KIR2DL4: variants seen among roughly 807,000 people sequenced by gnomAD.
KIR2DL4 encodes killer cell immunoglobulin like receptor, two Ig domains and long cytoplasmic tail 4.
A neutral mutation model predicts 31.0 loss-of-function variants in KIR2DL4; 41 were observed. The ratio of observed to expected loss-of-function variants is 1.32; its 90% CI spans 1.03 to 1.72. KIR2DL4 has a LOEUF of 1.72. Among genes scored for constraint, KIR2DL4 ranks in the 40% most tolerant of loss-of-function variants. The probability of loss-of-function intolerance (pLI) is 0.00; values close to 1 mark genes in which losing one functional copy is unlikely to be tolerated. For synonymous variants in KIR2DL4, 164 were observed against 133.6 expected (o/e 1.23, Z -1.57); for missense variants, 438 against 353.7 (o/e 1.24, Z -1.91).
At position 54,807,527 on chromosome 19, in the gene KIR2DL4, TC is replaced by T. The variant is rs1259042799; in HGVS notation, c.655+1285del. 2.0e-5 allele frequency among the ~76,000 whole-genome samples: 3 copies of T among 150,952 alleles called. No homozygotes were observed. The East Asian group carries it at 5.8e-4, about 29-fold the overall frequency. On this transcript the variant is annotated intron_variant, in intron 4 of 7. Transcript: ENST00000359085. Reference sequence around the variant, plus strand: ...ACCTGGGCTCACTGCAACCTCTACCTCCAGGATTCAAGTGATTCTCCAGCCT... The same window carrying T: ...ACCTGGGCTCACTGCAACCTCTACCTCAGGATTCAAGTGATTCTCCAGCCT...
intron 5 of KIR2DL4, among the ~76,000 whole-genome samples, chr19:54,810,800 C>T (rs865899221): frequency 4.0e-5 from 6 of 151,206 alleles, no homozygotes; most frequent in Admixed American, 1.3e-4. Flanking sequence ...TAGTGACTGA[C>T]ATGAAAATAA....
chr19:54,813,659 C>T (rs1463614941), intron 6 of KIR2DL4, 31 bp from the exon 6 acceptor site: 1 of 1,608,166 alleles, frequency 6.2e-7, no homozygotes, highest in African/African-American at 1.4e-5. Flanking sequence ...AGTGCCCTCC[C>T]AGCTGTTTTG....
rs754703177 is a variant in KIR2DL4 at position 54,803,897 on chromosome 19, T to C, written c.47T>C (p.Phe16Ser). The change falls in exon 2 of 8, where the codon TTC becomes TCC. Residue 16 changes from phenylalanine to serine, a missense_variant. Coordinates refer to ENST00000359085, the Ensembl canonical transcript of KIR2DL4. ...TCATGATCTTTCTTTGCAGGGTTCTTCTTGGACCAGAGTGTGTGGGCACAC... is the reference window on the plus strand; with the variant it reads ...TCATGATCTTTCTTTGCAGGGTTCTCCTTGGACCAGAGTGTGTGGGCACAC... The C allele has an allele frequency of 2.5e-5, 40 of 1,610,058 alleles. No individual in the cohort carries two copies. The highest frequency in any genetic ancestry group is 3.1e-5 in the Non-Finnish European group (36 of 1,178,876).
chr19:54,810,065 T>C (rs2147946330), intron 5 of KIR2DL4, among the ~76,000 whole-genome samples: 2 of 149,760 alleles, frequency 1.3e-5, no homozygotes, highest in South Asian at 4.3e-4. Flanking sequence ...AATGCACCAG[T>C]GGACCAATAA....
intron 5 of KIR2DL4, chr19:54,813,060 G>T: frequency 8.0e-7 from 1 of 1,254,294 alleles, no homozygotes; most frequent in Non-Finnish European, 1.1e-6. Context: ...ACCAAGAAAT[G>T]AGAGACAATC....
chr19:54,804,956 C>T (rs762567496), exon 3 of KIR2DL4: 44 of 1,611,746 alleles, frequency 2.7e-5, no homozygotes, highest in Non-Finnish European at 3.6e-5. Flanking sequence ...TATTCTGGAA[C>T]AGTTTCCTCA....
At chr19:54,809,941 T>C (rs604077) in intron 5 of KIR2DL4, among the ~76,000 whole-genome samples, 102,954 of 147,456 alleles carry the variant, frequency 0.7, 36,858 homozygotes, top group East Asian at 0.94. Context: ...AGGACAGGAA[T>C]ATTTTGGGGT....
chr19:54,809,641 C>T (rs1024628681), intron 5 of KIR2DL4, among the ~76,000 whole-genome samples: 1 of 151,244 alleles, frequency 6.6e-6, no homozygotes, highest in Non-Finnish European at 1.5e-5. Context: ...CTCCTGGTCC[C>T]CGTCTTCCTC....
intron 6 of KIR2DL4, 142 bp from the exon 6 acceptor site, chr19:54,813,548 G>C (rs1162028185): frequency 1.2e-6 from 1 of 868,786 alleles, no homozygotes; most frequent in Non-Finnish European, 1.8e-6. Context: ...TGCACTCAGA[G>C]AGATGGAATG....
At position 54,803,701 on chromosome 19, in the gene KIR2DL4, G is replaced by A. The variant is rs748775213; in HGVS notation, c.40+10G>A. On this transcript the variant is annotated intron_variant, in intron 1 of 7. Coordinates refer to ENST00000359085, the Ensembl canonical transcript of KIR2DL4. ...ATCCTGGCATGTCTTGGTGAGTCCT[G>A]GAAGGGAAGGAGCACCAGGGTTACA... 37 of 1,610,930 alleles carry A rather than the reference G, an allele frequency of 2.3e-5. 2 individuals carry two copies. In the East Asian group the frequency reaches 7.8e-4, roughly 34 times the overall value.
In KIR2DL4 at chr19:54,803,830, C is replaced by G; in HGVS notation, c.41-61C>G. 22 of 1,573,982 alleles carry G rather than the reference C, an allele frequency of 1.4e-5. No homozygotes were observed. In the South Asian group the frequency reaches 2.1e-4, roughly 15 times the overall value. The stretch of plus-strand genomic sequence containing the variant: ...TTCAGTCCAGCGTGGCGCCCAGTGG[C>G]TCAGGAGGAAAGGGTAGGTTGCTGC... On this transcript the variant is annotated intron_variant, in intron 1 of 7. Coordinates refer to ENST00000359085, the Ensembl canonical transcript of KIR2DL4.
At chr19:54,813,485 G>T (rs2061001774) in intron 6 of KIR2DL4, among the ~76,000 whole-genome samples, 1 of 150,562 alleles carries the variant, frequency 6.6e-6, no homozygotes, top group African/African-American at 2.5e-5. Flanking sequence ...GGCAGAAAGT[G>T]GGAGATAGAA....
At chr19:54,806,342 G>C in intron 4 of KIR2DL4, 98 bp downstream of exon 4, 1 of 1,312,038 alleles carries the variant, frequency 7.6e-7, no homozygotes, top group Non-Finnish European at 1.1e-6. Flanking sequence ...CAGATGTGGA[G>C]AGAAGATGCA....
At chr19:54,808,224 T>TG (rs1469312976) in intron 4 of KIR2DL4, among the ~76,000 whole-genome samples, 40 of 149,230 alleles carry the variant, frequency 2.7e-4, no homozygotes, top group Admixed American at 7.3e-4. Flanking sequence ...GGTCTATTTT[T>TG]TTGTTGTTGT....
chr19:54,804,879 C>T (rs56364601), exon 3 of KIR2DL4: 9 of 1,612,124 alleles, frequency 5.6e-6, no homozygotes, highest in Non-Finnish European at 7.6e-6. Context: ...TCACTATCGT[C>T]GTGGGTTTAA....
chr19:54,813,964 G>A, exon 8 of KIR2DL4: 1 of 1,612,364 alleles, frequency 6.2e-7, no homozygotes. Context: ...ATACCAGCGT[G>A]TGTATAGAAC....
At chr19:54,813,722 C>A (rs1450874249) in exon 7 of KIR2DL4, 3 of 1,611,592 alleles carry the variant, frequency 1.9e-6, no homozygotes, top group Non-Finnish European at 2.5e-6. Flanking sequence ...GCCTGCGGGA[C>A]ACAGAACAGT....
rs1332085083 is a variant in KIR2DL4, at chr19:54,809,323, C to T, written c.706+440C>T. On this transcript the variant is annotated intron_variant, in intron 5 of 7. Transcript: ENST00000359085. Reference sequence around the variant, plus strand: ...TTGACTTAGTGGAACAAGAGCTTTGCGGTAAGAGAGAACGTAGTTCATCCG... The same window carrying T: ...TTGACTTAGTGGAACAAGAGCTTTGTGGTAAGAGAGAACGTAGTTCATCCG... Among the ~76,000 whole-genome samples, 7 of 150,528 alleles carry T rather than the reference C, an allele frequency of 4.7e-5. 1 individual carries two copies. Among genetic ancestry groups the T allele is most frequent in the East Asian group, 3.9e-4 (2 of 5,154 alleles).
chr19:54,803,828 G>A (rs1029649370), intron 1 of KIR2DL4, 63 bp from the exon 2 acceptor site: 11 of 1,572,860 alleles, frequency 7.0e-6, no homozygotes, highest in Non-Finnish European at 9.6e-6. Context: ...GGCGCCCAGT[G>A]GCTCAGGAGG....
Sources: gnomAD v4.1 joint callset for allele counts (sites outside exome capture counted in the v4.1 genomes callset) on GRCh38, gnomAD v4.1.1 for gene constraint, MANE v1.5 for transcripts, NCBI Gene and HGNC (gene_info 2026-07-23, HGNC 2026-07-21) for gene names.